TBPL2: variants seen among roughly 807,000 people sequenced by gnomAD.
TBPL2 encodes the protein TATA-box binding protein like 2, also known as TATA box-binding protein-like 2.
A neutral mutation model predicts 38.2 loss-of-function variants in TBPL2; 40 were observed. That is an observed-to-expected ratio of 1.05 (90% CI 0.81 to 1.36). The LOEUF (loss-of-function observed/expected upper bound fraction) is 1.36. TBPL2 is among the 40% of genes most tolerant of loss of function. The probability of loss-of-function intolerance (pLI) is 0.00; values close to 1 mark genes in which losing one functional copy is unlikely to be tolerated. For missense variants in TBPL2, 461 were observed against 456.7 expected (o/e 1.01, Z -0.09); for synonymous variants, 169 against 171.7 (o/e 0.98, Z 0.12).
In TBPL2 at chr14:55,424,377, A is replaced by G. The variant is rs528995848; in HGVS notation, c.957-124T>C. Reference sequence around the variant, plus strand: ...TGTAAATAAGTTAGCTATTTTATCAAAAACTTTTTAACTATCTTGATGAAG... The same window carrying G: ...TGTAAATAAGTTAGCTATTTTATCAGAAACTTTTTAACTATCTTGATGAAG... On this transcript the variant is annotated intron_variant, in intron 5 of 6. Transcript: ENST00000247219. 13 of 579,532 alleles carry G rather than the reference A, an allele frequency of 2.2e-5. No homozygotes were observed. In the East Asian group the frequency reaches 3.7e-4, roughly 16 times the overall value. 35.9% of individuals were successfully genotyped at this position (579,532 alleles called of 1,614,324 possible). A position where few individuals can be genotyped will look rare whatever the true frequency, so the allele number is the denominator to read the frequency against.
At chr14:55,429,644 TA>T (rs1449825109) in intron 4 of TBPL2, among the ~76,000 whole-genome samples, 1 of 151,246 alleles carries the variant, frequency 6.6e-6, no homozygotes, top group Non-Finnish European at 1.5e-5. Context: ...CGGGCACCTG[TA>T]ATCCCAGCTA....
chr14:55,437,016 A>G (rs749215698), exon 2 of TBPL2: 2 of 1,613,024 alleles, frequency 1.2e-6, no homozygotes, highest in African/African-American at 1.3e-5. Flanking sequence ...GGGCAAGGCC[A>G]TCCTAGGCAG....
chr14:55,414,396 C>A, exon 7 of TBPL2: 2 of 1,604,932 alleles, frequency 1.2e-6, no homozygotes, highest in African/African-American at 1.3e-5. Flanking sequence ...TTTTTAAAAC[C>A]TTTTAGAATA....
intron 5 of TBPL2, among the ~76,000 whole-genome samples, chr14:55,424,601 G>C (rs972200689): frequency 1.3e-5 from 2 of 152,140 alleles, no homozygotes; most frequent in Non-Finnish European, 2.9e-5. Context: ...ACATAATCAT[G>C]TTTTTCTGGG....
At position 55,433,670 on chromosome 14, in the gene TBPL2, TA is replaced by T. The variant is rs1885970212; in HGVS notation, c.747del (p.Ile250TyrfsTer52). ...CAGACCATCTTCCCAGAGCTAAATA[TA>T]AGGGCTGTTGTCCTGGGCTCTCGGA... On this transcript the variant is annotated frameshift_variant, in exon 4 of 7. Transcript: ENST00000247219. LOFTEE classifies it high-confidence loss of function. The T allele has an allele frequency of 6.2e-7, 1 of 1,614,008 alleles. No individual in the cohort carries two copies. The highest frequency in any genetic ancestry group is 1.3e-5 in the African/African-American group (1 of 74,896).
At chr14:55,439,112 A>AT (rs1176204708) in intron 1 of TBPL2, among the ~76,000 whole-genome samples, 9 of 151,486 alleles carry the variant, frequency 5.9e-5, no homozygotes, top group South Asian at 2.1e-4. Flanking sequence ...TAATTTTTGT[A>AT]TTTTTTAGCA....
chr14:55,429,766 C>CAAAAAAAAAAAA (rs71131266), intron 4 of TBPL2, among the ~76,000 whole-genome samples: 19 of 52,376 alleles, frequency 3.6e-4, no homozygotes, highest in African/African-American at 3.7e-4. Context: ...AACTCCGTCT[C>CAAAAAAAAAAAA]AAAAAAAAAA....
At chr14:55,419,167 TG>T (rs2140164792) in intron 6 of TBPL2, among the ~76,000 whole-genome samples, 1 of 152,366 alleles carries the variant, frequency 6.6e-6, no homozygotes, top group South Asian at 2.1e-4. Context: ...TGGGACAGGG[TG>T]AGCCCAGTGG....
chr14:55,440,211 CTGTT>C (rs1416076178), intron 1 of TBPL2, among the ~76,000 whole-genome samples, 181 bp downstream of exon 1: 1 of 152,194 alleles, frequency 6.6e-6, no homozygotes, highest in East Asian at 1.9e-4. Flanking sequence ...AGTTCGAGCT[CTGTT>C]TGGCAACCTT....
intron 6 of TBPL2, among the ~76,000 whole-genome samples, chr14:55,416,375 T>C (rs1254404928): frequency 6.6e-6 from 1 of 152,140 alleles, no homozygotes; most frequent in Admixed American, 6.5e-5. Context: ...GAGGATCCCT[T>C]GAGCCCAGGA....
At chr14:55,421,450 GCTTTCCCCA>G (rs1034636398) in intron 6 of TBPL2, among the ~76,000 whole-genome samples, 11 of 152,212 alleles carry the variant, frequency 7.2e-5, no homozygotes, top group South Asian at 4.1e-4. Context: ...TTCCAAACAA[GCTTTCCCCA>G]CTTTGTTTTT....
At chr14:55,415,585 C>T (rs950697621) in intron 6 of TBPL2, among the ~76,000 whole-genome samples, 2 of 152,106 alleles carry the variant, frequency 1.3e-5, no homozygotes, top group South Asian at 2.1e-4. Flanking sequence ...ATAGTGTAGG[C>T]GGGGCGTGGT....
chr14:55,419,217 G>A (rs1306621491), intron 6 of TBPL2, among the ~76,000 whole-genome samples: 4 of 152,170 alleles, frequency 2.6e-5, no homozygotes, highest in Non-Finnish European at 1.5e-5. Context: ...GTTGCCCTGC[G>A]GCACACACAG....
At chr14:55,436,355 G>A (rs1361703227) in intron 2 of TBPL2, among the ~76,000 whole-genome samples, 4 of 152,030 alleles carry the variant, frequency 2.6e-5, no homozygotes, top group Middle Eastern at 3.4e-3. Flanking sequence ...AGTCCCCTCC[G>A]CCCACCTTAG....
At chr14:55,440,529 C>G (rs779347580) in exon 1 of TBPL2, 2 of 1,607,252 alleles carry the variant, frequency 1.2e-6, no homozygotes, top group South Asian at 2.2e-5. Context: ...CCGCTCCGGC[C>G]AGGGCGCAGA....
intron 4 of TBPL2, among the ~76,000 whole-genome samples, chr14:55,430,491 T>G (rs1229557028): frequency 6.6e-6 from 1 of 151,188 alleles, no homozygotes; most frequent in African/African-American, 2.4e-5. Context: ...ACTGCAGCCT[T>G]GAACTTCTGG....
At chr14:55,422,273 G>A (rs1223983926) in intron 6 of TBPL2, among the ~76,000 whole-genome samples, 2 of 152,172 alleles carry the variant, frequency 1.3e-5, no homozygotes, top group Admixed American at 1.3e-4. Flanking sequence ...TGGTAGAGGA[G>A]AGTGAAATGT....
chr14:55,428,098 A>G (rs1885858142), intron 5 of TBPL2, among the ~76,000 whole-genome samples: 1 of 122,400 alleles, frequency 8.2e-6, no homozygotes, highest in Non-Finnish European at 1.6e-5. Flanking sequence ...CTACCGGCCT[A>G]GTCCATTTCA....
intron 2 of TBPL2, 29 bp from the exon 3 acceptor site, chr14:55,435,963 A>G (rs755477092): frequency 1.5e-6 from 2 of 1,354,566 alleles, no homozygotes; most frequent in Non-Finnish European, 1.0e-6. Context: ...TTAGAAACTT[A>G]TATCAGATAT....
Sources: gnomAD v4.1 joint callset for allele counts (sites outside exome capture counted in the v4.1 genomes callset) on GRCh38, gnomAD v4.1.1 for gene constraint, MANE v1.5 for transcripts, NCBI Gene and HGNC (gene_info 2026-07-23, HGNC 2026-07-21) for gene names.